ASTN2: variants seen among roughly 807,000 people sequenced by gnomAD.
ASTN2 encodes the protein astrotactin-2.
ASTN2 carries 54 observed loss-of-function variants against 139.8 expected under a neutral mutation model. The observed-to-expected ratio is 0.39, with a 90% CI of 0.31 to 0.48. The LOEUF is 0.48. ASTN2 is among the 20% of genes least tolerant of loss of function. ASTN2 has a pLI of 0.95. For missense variants in ASTN2, 1,565 were observed against 1,725.1 expected (o/e 0.91, Z 1.64); for synonymous variants, 756 against 719.5 (o/e 1.05, Z -0.81).
At chr9:116,521,109 C>T (rs1486230303) in intron 19 of ASTN2, among the ~76,000 whole-genome samples, 1 of 151,476 alleles carries the variant, frequency 6.6e-6, no homozygotes, top group Non-Finnish European at 1.5e-5. Context: ...AATGCAATTC[C>T]TATCAAAATA....
At chr9:117,311,626 A>T (rs1262693325) in intron 1 of ASTN2, among the ~76,000 whole-genome samples, 2 of 152,152 alleles carry the variant, frequency 1.3e-5, no homozygotes, top group Non-Finnish European at 2.9e-5. Flanking sequence ...AGAAGAAGAA[A>T]TCAGGCAGCC....
intron 10 of ASTN2, among the ~76,000 whole-genome samples, chr9:116,900,210 G>A (rs570073789): frequency 1.3e-4 from 20 of 152,264 alleles, no homozygotes; most frequent in African/African-American, 4.8e-4. Flanking sequence ...AAAACCTGTT[G>A]GGCAATGACA....
At chr9:117,016,640 A>C (rs1252263320) in intron 6 of ASTN2, among the ~76,000 whole-genome samples, 7 of 21,748 alleles carry the variant, frequency 3.2e-4, no homozygotes, top group African/African-American at 4.7e-4. Flanking sequence ...ATATATATAT[A>C]TATATATATA....
intron 13 of ASTN2, among the ~76,000 whole-genome samples, chr9:116,776,906 T>G (rs1027376417): frequency 3.3e-5 from 5 of 152,196 alleles, no homozygotes; most frequent in African/African-American, 7.2e-5. Flanking sequence ...CAGAGGTTCA[T>G]GCAGAACAAA....
At chr9:117,015,230 G>T (rs1183547975) in intron 6 of ASTN2, among the ~76,000 whole-genome samples, 1 of 152,002 alleles carries the variant, frequency 6.6e-6, no homozygotes. Flanking sequence ...TGTTGCCCAA[G>T]CTGGTCTCAA....
chr9:117,331,765 C>A (rs772256471), intron 1 of ASTN2, among the ~76,000 whole-genome samples: 46 of 152,118 alleles, frequency 3.0e-4, no homozygotes, highest in Non-Finnish European at 6.2e-4. Flanking sequence ...GATTTAAAAA[C>A]CAAAAACGAA....
At chr9:117,263,291 G>T (rs775209606) in intron 2 of ASTN2, among the ~76,000 whole-genome samples, 1 of 152,124 alleles carries the variant, frequency 6.6e-6, no homozygotes, top group East Asian at 1.9e-4. Context: ...CCAGAGTGAA[G>T]TATAACTTTG....
intron 3 of ASTN2, among the ~76,000 whole-genome samples, chr9:117,166,419 C>T (rs758383657): frequency 6.6e-6 from 1 of 152,090 alleles, no homozygotes; most frequent in Non-Finnish European, 1.5e-5. Flanking sequence ...TGTCTAAAGA[C>T]TCTTCATGAC....
chr9:116,606,162 C>CAGGA (rs1564148400), intron 19 of ASTN2, among the ~76,000 whole-genome samples: 1 of 152,032 alleles, frequency 6.6e-6, no homozygotes, highest in Non-Finnish European at 1.5e-5. Context: ...GCGTGCGGGG[C>CAGGA]ATTCAGCCAC....
chr9:117,029,660 T>A (rs1435659693), intron 6 of ASTN2, among the ~76,000 whole-genome samples: 2 of 151,564 alleles, frequency 1.3e-5, no homozygotes, highest in East Asian at 3.9e-4. Context: ...TATGCAAACG[T>A]TTGTTGACCA....
At chr9:116,908,793 G>A (rs985504873) in intron 10 of ASTN2, among the ~76,000 whole-genome samples, 2 of 152,228 alleles carry the variant, frequency 1.3e-5, no homozygotes, top group African/African-American at 2.4e-5. Flanking sequence ...GCATTATAAT[G>A]TATGCGTGTA....
At position 117,038,525 on chromosome 9, in the gene ASTN2, G is replaced by T. The variant is rs139022382; in HGVS notation, c.1423+1294C>A. Among the ~76,000 whole-genome samples the T allele has an allele frequency of 6.5e-4, 99 of 152,174 alleles. 3 individuals are homozygous for T. The East Asian group carries it at 0.018, about 27-fold the overall frequency. On this transcript the variant is annotated intron_variant, in intron 6 of 22. Transcript: ENST00000313400. ...TGAGAAGACACTTTTAGAGGTGATGGCTACGTTTATGGCATTCCTTATGGT... is the reference window on the plus strand; with the variant it reads ...TGAGAAGACACTTTTAGAGGTGATGTCTACGTTTATGGCATTCCTTATGGT...
intron 2 of ASTN2, among the ~76,000 whole-genome samples, chr9:117,272,649 C>T (rs1834094539): frequency 6.6e-6 from 1 of 152,170 alleles, no homozygotes; most frequent in African/African-American, 2.4e-5. Context: ...ATTTCTTCTA[C>T]CAGATACCCT....
intron 13 of ASTN2, among the ~76,000 whole-genome samples, chr9:116,800,675 T>C (rs923879016): frequency 5.9e-5 from 9 of 152,196 alleles, no homozygotes; most frequent in Non-Finnish European, 1.5e-5. Context: ...ACATCCTTTA[T>C]TGCAGAACAA....
At chr9:116,865,693 A>G (rs2132344335) in intron 10 of ASTN2, among the ~76,000 whole-genome samples, 1 of 152,220 alleles carries the variant, frequency 6.6e-6, no homozygotes, top group South Asian at 2.1e-4. Flanking sequence ...GGCAATGCCT[A>G]GTCACTGACA....
At chr9:116,737,467 A>ATGTG (rs72243746) in intron 13 of ASTN2, among the ~76,000 whole-genome samples, 19,390 of 148,136 alleles carry the variant, frequency 0.13, 1,459 homozygotes, top group Admixed American at 0.2. Flanking sequence ...GTGTGTGTGA[A>ATGTG]TGTGTGTGTG....
At chr9:117,375,963 C>T (rs916941763) in intron 1 of ASTN2, among the ~76,000 whole-genome samples, 2 of 152,122 alleles carry the variant, frequency 1.3e-5, no homozygotes, top group African/African-American at 4.8e-5. Context: ...ATCTTCACAT[C>T]CCCCTCGATG....
chr9:116,513,656 T>A (rs1044786317), intron 19 of ASTN2, among the ~76,000 whole-genome samples: 3 of 152,204 alleles, frequency 2.0e-5, no homozygotes, highest in African/African-American at 7.2e-5. Flanking sequence ...GTAGATTTGG[T>A]CTTTTCACAT....
At chr9:116,793,806 T>G (rs1830617196) in intron 13 of ASTN2, among the ~76,000 whole-genome samples, 2 of 152,202 alleles carry the variant, frequency 1.3e-5, no homozygotes, top group African/African-American at 4.8e-5. Context: ...GGTTTGTACC[T>G]TAGAGTTTGA....
Sources: gnomAD v4.1 joint callset for allele counts (sites outside exome capture counted in the v4.1 genomes callset) on GRCh38, gnomAD v4.1.1 for gene constraint, MANE v1.5 for transcripts, NCBI Gene and HGNC (gene_info 2026-07-23, HGNC 2026-07-21) for gene names.